Variants in OSBPL8 observed in about 807,000 individuals in gnomAD.
OSBPL8 encodes the protein oxysterol-binding protein-related protein 8.
In OSBPL8, 59 loss-of-function variants were observed where a neutral mutation model predicts 125.5. The observed-to-expected ratio is 0.47, with a 90% confidence interval of 0.38 to 0.58. The LOEUF (loss-of-function observed/expected upper bound fraction) is 0.58, where lower values mean the gene tolerates loss of function less well. OSBPL8 is among the 20% of genes least tolerant of loss of function. The pLI, the probability that OSBPL8 is intolerant of heterozygous loss-of-function variation, is 0.00. For missense variants in OSBPL8, 758 were observed against 1,047.8 expected (o/e 0.72, Z 3.82); for synonymous variants, 330 against 338.9 (o/e 0.97, Z 0.29).
At chr12:76,402,608 A>C in intron 6 of OSBPL8, 81 bp downstream of exon 6, 3 of 965,756 alleles carry the variant, frequency 3.1e-6, no homozygotes, top group Admixed American at 2.3e-5. Flanking sequence ...ACACACATAT[A>C]TATTTATCCT....
intron 3 of OSBPL8, among the ~76,000 whole-genome samples, chr12:76,453,323 T>C (rs774469940): frequency 3.9e-5 from 6 of 152,184 alleles, no homozygotes; most frequent in Non-Finnish European, 5.9e-5. Context: ...ATGGTGTCTC[T>C]TTCAGTTACT....
At chr12:76,553,327 T>C (rs1226588548) in intron 1 of OSBPL8, among the ~76,000 whole-genome samples, 3 of 152,106 alleles carry the variant, frequency 2.0e-5, no homozygotes, top group Admixed American at 6.5e-5. Context: ...GGTGGTCATC[T>C]CAACAGGACA....
intron 1 of OSBPL8, among the ~76,000 whole-genome samples, chr12:76,536,836 C>T (rs577085825): frequency 2.2e-5 from 3 of 134,266 alleles, no homozygotes; most frequent in South Asian, 2.4e-4. Context: ...AAAAAAAAAA[C>T]GAGTAATCTT....
chr12:76,434,988 C>T (rs1260566273), intron 4 of OSBPL8, among the ~76,000 whole-genome samples: 4 of 152,136 alleles, frequency 2.6e-5, no homozygotes, highest in African/African-American at 9.7e-5. Flanking sequence ...TATGATCCAA[C>T]AACACCACTT....
chr12:76,403,366 T>G (rs547026896), intron 5 of OSBPL8, among the ~76,000 whole-genome samples: 1 of 152,342 alleles, frequency 6.6e-6, no homozygotes, highest in East Asian at 1.9e-4. Context: ...CAGTTTACAC[T>G]TCACATTTTT....
At chr12:76,537,505 G>A (rs1950529917) in intron 1 of OSBPL8, among the ~76,000 whole-genome samples, 1 of 152,120 alleles carries the variant, frequency 6.6e-6, no homozygotes, top group African/African-American at 2.4e-5. Flanking sequence ...ACTGAGAAGA[G>A]ATAACAAAGA....
intron 1 of OSBPL8, chr12:76,537,071 T>C (rs753447469): frequency 6.6e-6 from 1 of 152,412 alleles, no homozygotes; most frequent in Admixed American, 6.5e-5. Context: ...ATTATAATTA[T>C]TAAAATATAA....
rs184081452 is a variant in OSBPL8 at position 76,402,045 on chromosome 12, C to T, written c.366+644G>A. Among the ~76,000 whole-genome samples the T allele has an allele frequency of 3.3e-5, 5 of 152,208 alleles. No homozygotes were observed. The East Asian group carries it at 7.7e-4, about 23-fold the overall frequency. On this transcript the variant is annotated intron_variant, in intron 6 of 23. Transcript: ENST00000261183. ...ATAATACAATTTTAATAATTCTATA[C>T]CCTCAAAACTTTAGATTTTGGTCTT...
chr12:76,386,087 G>C, intron 14 of OSBPL8, 81 bp downstream of exon 14: 1 of 1,511,504 alleles, frequency 6.6e-7, no homozygotes. Flanking sequence ...ATAATATTGA[G>C]TTTACTGGGT....
Position 76,389,832 on chromosome 12 carries a change from T to A in OSBPL8, c.1168-3A>T. 6.7e-7 allele frequency: 1 copy of A among 1,481,950 alleles called. No individual in the cohort carries two copies. Among genetic ancestry groups the A allele is most frequent in the Non-Finnish European group, 9.0e-7 (1 of 1,110,616 alleles). The allele number at this position is 1,481,950 out of a possible 1,614,324, so 91.8% of individuals were successfully genotyped here. ...TCTGTTTGAGAAGCCTCACCTGCCT[T>A]TATCAATTAATGAAAATTACCAAAA... On this transcript the variant is annotated splice_polypyrimidine_tract_variant and splice_region_variant and intron_variant, in intron 11 of 23. Transcript: ENST00000261183.
rs1953324941 is a variant in OSBPL8, at chr12:76,386,635, A to G, written c.1378T>C (p.Phe460Leu). ...SEAALEENPY[F>L]RLKKVVKWYL... Reference sequence around the variant, plus strand: ...CATTTCACTACTTTCTTCAAACGGAAATAAGGATTTTCTTCAAGAGCTGCC... The same window carrying G: ...CATTTCACTACTTTCTTCAAACGGAGATAAGGATTTTCTTCAAGAGCTGCC... Residue 460 changes from phenylalanine (F) to leucine (L), a missense_variant, in exon 13 of 24, where the codon TTC becomes CTC. Phe to Leu is a conservative substitution (Grantham distance 22, BLOSUM62 0). Coordinates refer to ENST00000261183, the MANE Select transcript of OSBPL8 (RefSeq NM_020841.5). 1 of 1,607,348 alleles carries G rather than the reference A, an allele frequency of 6.2e-7. No homozygotes were observed. The highest frequency in any genetic ancestry group is 8.5e-7 in the Non-Finnish European group (1 of 1,176,552).
chr12:76,394,621 CA>C, intron 9 of OSBPL8, 23 bp downstream of exon 9: 1 of 1,576,360 alleles, frequency 6.3e-7, no homozygotes, highest in Non-Finnish European at 8.7e-7. Flanking sequence ...GACCAAAATC[CA>C]ATCCATCAAA....
chr12:76,520,548 G>A (rs1231683946), intron 1 of OSBPL8, among the ~76,000 whole-genome samples: 2 of 152,172 alleles, frequency 1.3e-5, no homozygotes, highest in African/African-American at 2.4e-5. Context: ...AGGAAGTGAT[G>A]TTTAAGTTGA....
intron 4 of OSBPL8, chr12:76,422,534 T>C (rs919398731): frequency 8.8e-6 from 4 of 456,476 alleles, no homozygotes; most frequent in African/African-American, 4.0e-5. Context: ...AGAAAGTTCA[T>C]TGTATCCTCC....
intron 1 of OSBPL8, among the ~76,000 whole-genome samples, chr12:76,498,100 G>T (rs778469010): frequency 6.6e-6 from 1 of 152,176 alleles, no homozygotes; most frequent in East Asian, 1.9e-4. Context: ...TCAGGCAAAT[G>T]ATTTTTTAAA....
At chr12:76,523,113 C>G (rs1950069739) in intron 1 of OSBPL8, among the ~76,000 whole-genome samples, 1 of 152,190 alleles carries the variant, frequency 6.6e-6, no homozygotes, top group East Asian at 1.9e-4. Context: ...GATAGGATTA[C>G]AGGCATGAGC....
intron 1 of OSBPL8, among the ~76,000 whole-genome samples, chr12:76,504,761 C>A (rs1280046976): frequency 6.6e-6 from 1 of 152,174 alleles, no homozygotes; most frequent in Non-Finnish European, 1.5e-5. Context: ...GTATAAGTGG[C>A]TGAATTCTTA....
At chr12:76,454,842 GTAAAAAACAA>G in intron 3 of OSBPL8, among the ~76,000 whole-genome samples, 1 of 151,202 alleles carries the variant, frequency 6.6e-6, no homozygotes, top group East Asian at 1.9e-4. Context: ...ACATACATGA[GTAAAAAACAA>G]TAAAAAAAAG....
intron 4 of OSBPL8, among the ~76,000 whole-genome samples, chr12:76,420,722 C>G (rs188810433): frequency 3.3e-5 from 5 of 152,064 alleles, no homozygotes; most frequent in Admixed American, 3.3e-4. Flanking sequence ...TTTTTCAATA[C>G]AACAATGAAG....
Sources: gnomAD v4.1 joint callset for allele counts (sites outside exome capture counted in the v4.1 genomes callset) on GRCh38, gnomAD v4.1.1 for gene constraint, MANE v1.5 for transcripts, NCBI Gene and HGNC (gene_info 2026-07-23, HGNC 2026-07-21) for gene names.